DLG2: variants seen among roughly 807,000 people sequenced by gnomAD.
The protein encoded by DLG2 is disks large homolog 2.
In DLG2, 45 loss-of-function variants were observed where a neutral mutation model predicts 132.5. That is an observed-to-expected ratio of 0.34 (90% confidence interval 0.27 to 0.44). DLG2 has a LOEUF of 0.44. Among genes scored for constraint, DLG2 ranks in the 20% least tolerant of loss-of-function variants. DLG2 has a pLI of 1.00. For missense variants in DLG2, 1,045 were observed against 1,196.9 expected, an observed-to-expected ratio of 0.87 and a Z score of 1.87; for synonymous variants, 424 against 419.6, an observed-to-expected ratio of 1.01 and a Z score of -0.13.
At chr11:85,378,800 G>T (rs1219004760) in intron 3 of DLG2, among the ~76,000 whole-genome samples, 1 of 152,070 alleles carries the variant, frequency 6.6e-6, no homozygotes, top group Admixed American at 6.5e-5. Flanking sequence ...CAAATTACAA[G>T]TTTATTCTCA....
chr11:83,668,702 A>T (rs1376256748), intron 18 of DLG2, among the ~76,000 whole-genome samples: 6 of 14,288 alleles, frequency 4.2e-4, no homozygotes, highest in Non-Finnish European at 8.9e-4. Context: ...TGTGTATATA[A>T]ACACATATAT....
chr11:84,843,002 T>C (rs1048589401), intron 6 of DLG2, among the ~76,000 whole-genome samples: 2 of 151,954 alleles, frequency 1.3e-5, no homozygotes, highest in Non-Finnish European at 2.9e-5. Context: ...AAGAATACTG[T>C]TCAATGGGTA....
chr11:84,305,323 C>T (rs989775438), intron 7 of DLG2, among the ~76,000 whole-genome samples: 4 of 151,980 alleles, frequency 2.6e-5, no homozygotes, highest in African/African-American at 4.8e-5. Context: ...AGACCAGATA[C>T]CATATTTTAC....
Position 84,585,647 on chromosome 11 carries a change from T to C in DLG2, c.358-50916A>G, listed in dbSNP as rs187485336. Among the ~76,000 whole-genome samples, 205 of 152,380 alleles carry C rather than the reference T, an allele frequency of 1.3e-3. 1 individual carries two copies. Among genetic ancestry groups the C allele is most frequent in the Middle Eastern group, 6.8e-3 (2 of 294 alleles). On this transcript the variant is annotated intron_variant, in intron 6 of 27. Transcript: ENST00000376104. ...TTATATCCATGACCATAGCAGGCCATTGTATTTAAGTCTTCTTTGGTAAAT... is the reference window on the plus strand; with the variant it reads ...TTATATCCATGACCATAGCAGGCCACTGTATTTAAGTCTTCTTTGGTAAAT...
At chr11:85,433,252 C>A (rs887400236) in intron 3 of DLG2, among the ~76,000 whole-genome samples, 1 of 152,136 alleles carries the variant, frequency 6.6e-6, no homozygotes, top group Non-Finnish European at 1.5e-5. Context: ...GAAGAAATGG[C>A]ATCAACTAGT....
intron 4 of DLG2, among the ~76,000 whole-genome samples, chr11:85,258,302 C>T (rs971516607): frequency 2.0e-5 from 3 of 152,040 alleles, no homozygotes. Context: ...AAAGAATAAT[C>T]TTGTGGTATT....
At chr11:83,826,915 G>A (rs776757168) in intron 17 of DLG2, among the ~76,000 whole-genome samples, 4 of 152,156 alleles carry the variant, frequency 2.6e-5, no homozygotes, top group Non-Finnish European at 4.4e-5. Flanking sequence ...GAGATGTGGA[G>A]ATGAGACTTG....
At chr11:83,876,780 T>C (rs999427713) in intron 15 of DLG2, among the ~76,000 whole-genome samples, 1 of 152,182 alleles carries the variant, frequency 6.6e-6, no homozygotes, top group Non-Finnish European at 1.5e-5. Flanking sequence ...CGTGTCCATA[T>C]GTATTTCACA....
At chr11:84,293,279 T>C (rs1302806834) in intron 7 of DLG2, among the ~76,000 whole-genome samples, 3 of 152,176 alleles carry the variant, frequency 2.0e-5, no homozygotes, top group Non-Finnish European at 2.9e-5. Context: ...TCTCTGCAAG[T>C]AGATTTAGTC....
intron 7 of DLG2, among the ~76,000 whole-genome samples, chr11:84,404,141 T>C (rs1427644601): frequency 6.6e-6 from 1 of 152,168 alleles, no homozygotes; most frequent in Non-Finnish European, 1.5e-5. Flanking sequence ...CCTTGATGTC[T>C]ATCCTTGCTG....
chr11:83,882,342 G>A (rs1395683811), intron 15 of DLG2, among the ~76,000 whole-genome samples: 1 of 152,204 alleles, frequency 6.6e-6, no homozygotes, highest in Non-Finnish European at 1.5e-5. Flanking sequence ...GAAATGCAAA[G>A]TGTAAGATTG....
At chr11:85,277,196 C>T (rs943013321) in intron 4 of DLG2, among the ~76,000 whole-genome samples, 1 of 152,082 alleles carries the variant, frequency 6.6e-6, no homozygotes, top group Non-Finnish European at 1.5e-5. Context: ...AGTTTTAAAA[C>T]TGTTAGCCTA....
intron 4 of DLG2, among the ~76,000 whole-genome samples, chr11:85,170,340 G>A (rs976108479): frequency 1.1e-4 from 17 of 152,190 alleles, no homozygotes; most frequent in East Asian, 9.7e-4. Flanking sequence ...TACTTGCCTC[G>A]TAAGAACCTT....
intron 18 of DLG2, among the ~76,000 whole-genome samples, chr11:83,685,529 TC>T (rs1638384699): frequency 6.6e-6 from 1 of 152,134 alleles, no homozygotes; most frequent in Non-Finnish European, 1.5e-5. Context: ...ACTTCACTAA[TC>T]TATCCTTCTA....
chr11:84,314,897 T>C (rs17147175), intron 7 of DLG2, among the ~76,000 whole-genome samples: 27,498 of 152,046 alleles, frequency 0.18, 2,722 homozygotes, highest in East Asian at 0.31. Context: ...CAATTTAGCA[T>C]AGCACTTTTA....
chr11:83,753,035 T>G (rs1310097882), intron 18 of DLG2, among the ~76,000 whole-genome samples: 1 of 152,118 alleles, frequency 6.6e-6, no homozygotes, highest in Non-Finnish European at 1.5e-5. Context: ...ACAAAGGAAA[T>G]GTAGTATGAT....
chr11:84,949,029 C>T (rs1030520482), intron 6 of DLG2, among the ~76,000 whole-genome samples: 4 of 152,082 alleles, frequency 2.6e-5, no homozygotes, highest in South Asian at 2.1e-4. Flanking sequence ...AAATACTTTT[C>T]GGAGGACCCG....
intron 3 of DLG2, among the ~76,000 whole-genome samples, chr11:85,528,863 A>G (rs2074984511): frequency 6.6e-6 from 1 of 152,222 alleles, no homozygotes; most frequent in Non-Finnish European, 1.5e-5. Flanking sequence ...TTCTAAGCAT[A>G]TAACTAACAG....
intron 4 of DLG2, among the ~76,000 whole-genome samples, chr11:85,192,414 G>T (rs923837153): frequency 6.6e-6 from 1 of 152,148 alleles, no homozygotes; most frequent in African/African-American, 2.4e-5. Context: ...TAAGGAATTG[G>T]GAGGGGAGGT....
Sources: gnomAD v4.1 joint callset for allele counts (sites outside exome capture counted in the v4.1 genomes callset) on GRCh38, gnomAD v4.1.1 for gene constraint, MANE v1.5 for transcripts, NCBI Gene and HGNC (gene_info 2026-07-23, HGNC 2026-07-21) for gene names.